HMCN1: variants seen among roughly 807,000 people sequenced by gnomAD.
HMCN1 encodes the protein hemicentin 1, also known as hemicentin-1.
Under a neutral mutation model 625.9 loss-of-function variants are expected in HMCN1, and 321 were observed. The ratio of observed to expected loss-of-function variants is 0.51; its 90% CI spans 0.47 to 0.56. The LOEUF (loss-of-function observed/expected upper bound fraction) is 0.56. Ranked by LOEUF, HMCN1 falls within the 20% of genes least tolerant of loss-of-function variation. The pLI is 0.00. For missense variants in HMCN1, 6,588 were observed against 6,887.3 expected (o/e 0.96, Z 1.54); for synonymous variants, 2,425 against 2,417.6 (o/e 1.00, Z -0.09).
intron 36 of HMCN1, among the ~76,000 whole-genome samples, chr1:186,028,933 C>T (rs761775123): frequency 7.9e-5 from 12 of 151,668 alleles, no homozygotes; most frequent in Non-Finnish European, 1.6e-4. Context: ...CACTATGTTG[C>T]CCAGGCTGAT....
chr1:186,149,065 G>A (rs959920333), intron 93 of HMCN1, among the ~76,000 whole-genome samples: 2 of 151,980 alleles, frequency 1.3e-5, no homozygotes, highest in African/African-American at 4.8e-5. Flanking sequence ...CAGAGGCAGA[G>A]TAGATTTAGC....
At chr1:186,172,321 A>C (rs1281931736) in intron 102 of HMCN1, among the ~76,000 whole-genome samples, 190 bp downstream of exon 102, 3 of 152,218 alleles carry the variant, frequency 2.0e-5, no homozygotes, top group African/African-American at 7.2e-5. Flanking sequence ...CCGGAAATGG[A>C]AGCTCACTAT....
At chr1:186,157,688 G>T (rs1284729508) in intron 97 of HMCN1, among the ~76,000 whole-genome samples, 1 of 152,120 alleles carries the variant, frequency 6.6e-6, no homozygotes, top group Non-Finnish European at 1.5e-5. Context: ...AGAATATGCG[G>T]TGTTTGGTTT....
intron 36 of HMCN1, among the ~76,000 whole-genome samples, chr1:186,032,934 A>G (rs772121716): frequency 2.6e-5 from 4 of 152,138 alleles, no homozygotes; most frequent in Admixed American, 6.6e-5. Context: ...AAAGAAAAGA[A>G]GTCGTTATAT....
intron 1 of HMCN1, among the ~76,000 whole-genome samples, chr1:185,795,917 T>C (rs1183333132): frequency 6.6e-6 from 1 of 152,248 alleles, no homozygotes. Context: ...AATAACCTTA[T>C]GGTGCCTGCT....
chr1:185,836,513 A>G (rs1031995409), intron 1 of HMCN1, among the ~76,000 whole-genome samples: 6 of 152,276 alleles, frequency 3.9e-5, no homozygotes, highest in African/African-American at 1.4e-4. Flanking sequence ...AATATTATTT[A>G]GAGAATTATA....
intron 4 of HMCN1, among the ~76,000 whole-genome samples, chr1:185,885,086 T>G (rs1365795706): frequency 7.6e-6 from 1 of 130,830 alleles, no homozygotes; most frequent in African/African-American, 4.1e-5. Flanking sequence ...TCATTTTATG[T>G]TTTTTTTTTG....
chr1:185,862,070 G>C, intron 2 of HMCN1, among the ~76,000 whole-genome samples: 1 of 151,724 alleles, frequency 6.6e-6, no homozygotes, highest in South Asian at 2.1e-4. Context: ...TGAAGCAAGG[G>C]GAATATTAAA....
intron 36 of HMCN1, among the ~76,000 whole-genome samples, chr1:186,033,900 G>A (rs1484879126): frequency 1.3e-5 from 2 of 151,390 alleles, no homozygotes; most frequent in Admixed American, 1.3e-4. Context: ...TTTTGTTGCT[G>A]GTTTTCATCG....
At chr1:185,787,496 G>A (rs990945600) in intron 1 of HMCN1, among the ~76,000 whole-genome samples, 11 of 152,176 alleles carry the variant, frequency 7.2e-5, no homozygotes, top group Non-Finnish European at 1.2e-4. Context: ...CACACTGCCT[G>A]TTGTCTGAGA....
intron 23 of HMCN1, among the ~76,000 whole-genome samples, chr1:185,993,793 G>A (rs1450693982): frequency 6.6e-6 from 1 of 152,066 alleles, no homozygotes. Context: ...AGTCCATCCA[G>A]TTCTTCATTC....
chr1:185,893,380 C>T (rs1013101313), intron 4 of HMCN1, among the ~76,000 whole-genome samples: 6 of 152,044 alleles, frequency 3.9e-5, no homozygotes, highest in South Asian at 2.1e-4. Flanking sequence ...CAATCAGTGG[C>T]GTATTATATA....
chr1:185,823,184 T>G (rs1436332385), intron 1 of HMCN1, among the ~76,000 whole-genome samples: 2 of 152,192 alleles, frequency 1.3e-5, no homozygotes, highest in Non-Finnish European at 2.9e-5. Flanking sequence ...TACTGACTAT[T>G]AAATGATTTA....
At chr1:186,066,996 C>T (rs901689978) in intron 49 of HMCN1, among the ~76,000 whole-genome samples, 1 of 152,128 alleles carries the variant, frequency 6.6e-6, no homozygotes, top group African/African-American at 2.4e-5. Context: ...CGGGCATTTC[C>T]ACCTGAAATT....
intron 23 of HMCN1, 31 bp downstream of exon 23, chr1:185,993,340 C>A (rs1475432716): frequency 1.9e-6 from 3 of 1,610,422 alleles, no homozygotes. Flanking sequence ...ATATGACAAC[C>A]CTGTGGACTG....
intron 15 of HMCN1, among the ~76,000 whole-genome samples, chr1:185,972,213 T>C (rs974802118): frequency 6.6e-6 from 1 of 152,194 alleles, no homozygotes; most frequent in Admixed American, 6.6e-5. Flanking sequence ...CAGTAATTTT[T>C]CCCAACAAAA....
intron 1 of HMCN1, among the ~76,000 whole-genome samples, chr1:185,787,544 G>A (rs1396659252): frequency 6.6e-6 from 1 of 152,218 alleles, no homozygotes; most frequent in Non-Finnish European, 1.5e-5. Flanking sequence ...AGTCACCAGT[G>A]TGGGAACAAG....
At chr1:185,903,865 G>T (rs1665950182) in intron 4 of HMCN1, among the ~76,000 whole-genome samples, 1 of 151,710 alleles carries the variant, frequency 6.6e-6, no homozygotes, top group Non-Finnish European at 1.5e-5. Flanking sequence ...CACTTGTGTT[G>T]GCACAAATAA....
At chr1:185,833,301 T>C (rs1660978980) in intron 1 of HMCN1, among the ~76,000 whole-genome samples, 1 of 152,202 alleles carries the variant, frequency 6.6e-6, no homozygotes, top group South Asian at 2.1e-4. Flanking sequence ...TATTCAGCTT[T>C]TTTATACTAA....
Sources: gnomAD v4.1 joint callset for allele counts (sites outside exome capture counted in the v4.1 genomes callset) on GRCh38, gnomAD v4.1.1 for gene constraint, MANE v1.5 for transcripts, NCBI Gene and HGNC (gene_info 2026-07-23, HGNC 2026-07-21) for gene names.